The following EGF variants were observed in gnomAD, a reference collection of about 807,000 sequenced individuals.
EGF encodes the protein pro-epidermal growth factor.
A neutral mutation model predicts 143.8 loss-of-function variants in EGF; 95 were observed. The ratio of observed to expected loss-of-function variants is 0.66; its 90% CI spans 0.56 to 0.78. The LOEUF is 0.78. Ranked by LOEUF, EGF falls within the 30% of genes least tolerant of loss-of-function variation. The pLI is 0.00. For missense variants in EGF, 1,320 were observed against 1,470.9 expected (o/e 0.90, Z 1.68); for synonymous variants, 510 against 510.5 (o/e 1.00, Z 0.01).
chr4:109,983,343 G>A (rs1173155227), intron 15 of EGF, 79 bp from the exon 16 acceptor site: 3 of 1,505,452 alleles, frequency 2.0e-6, no homozygotes, highest in Non-Finnish European at 2.7e-6. Flanking sequence ...CCAATGAATA[G>A]TCGTAAACAT....
At chr4:110,005,447 C>T (rs1578408178) in intron 22 of EGF, among the ~76,000 whole-genome samples, 1 of 151,978 alleles carries the variant, frequency 6.6e-6, no homozygotes, top group Non-Finnish European at 1.5e-5. Context: ...AAAATAGTTG[C>T]CAGATTTAAC....
intron 18 of EGF, among the ~76,000 whole-genome samples, chr4:109,992,847 A>C (rs11569067): frequency 0.072 from 10,975 of 151,558 alleles, 1,239 homozygotes; most frequent in African/African-American, 0.24. Flanking sequence ...TATCACAAGG[A>C]CAAAAAACCA....
chr4:109,971,333 T>C (rs982978676), intron 11 of EGF, among the ~76,000 whole-genome samples: 5 of 152,208 alleles, frequency 3.3e-5, no homozygotes, highest in Non-Finnish European at 7.3e-5. Context: ...ACCTCCTCTG[T>C]GTTGAACCTA....
intron 13 of EGF, 39 bp from the exon 14 acceptor site, chr4:109,979,933 A>G (rs1307534883): frequency 6.2e-7 from 1 of 1,612,094 alleles, no homozygotes; most frequent in Non-Finnish European, 8.5e-7. Flanking sequence ...CATTGCAAAG[A>G]CAAAGAAGGT....
intron 11 of EGF, among the ~76,000 whole-genome samples, chr4:109,974,102 A>T (rs11568989): frequency 1.7e-3 from 257 of 152,336 alleles, no homozygotes; most frequent in African/African-American, 5.9e-3. Context: ...TAATCTAGAG[A>T]TGATTTAAAG....
intron 11 of EGF, among the ~76,000 whole-genome samples, chr4:109,971,474 C>T (rs1747649432): frequency 6.6e-6 from 1 of 152,146 alleles, no homozygotes. Flanking sequence ...GCCAAGTCTT[C>T]TCATATTTCC....
At chr4:109,951,875 T>C (rs537915128) in intron 5 of EGF, among the ~76,000 whole-genome samples, 1 of 152,334 alleles carries the variant, frequency 6.6e-6, no homozygotes, top group East Asian at 1.9e-4. Context: ...TATTTATCCA[T>C]GGCCTTCTGG....
At chr4:109,924,589 G>T (rs1738326260) in intron 1 of EGF, among the ~76,000 whole-genome samples, 1 of 152,182 alleles carries the variant, frequency 6.6e-6, no homozygotes. Context: ...TCAGTCAGCA[G>T]TTTACCTGAT....
chr4:109,923,913 G>T (rs906184853), intron 1 of EGF, among the ~76,000 whole-genome samples: 1 of 151,446 alleles, frequency 6.6e-6, no homozygotes, highest in East Asian at 1.9e-4. Flanking sequence ...GAGCCACCAC[G>T]CCTGGCCTAT....
intron 1 of EGF, among the ~76,000 whole-genome samples, chr4:109,932,946 G>A (rs1451128732): frequency 2.0e-5 from 3 of 152,132 alleles, no homozygotes; most frequent in African/African-American, 7.2e-5. Flanking sequence ...AGTTATTAGA[G>A]ACAAGTTATA....
Position 109,959,476 on chromosome 4 carries a change from G to A in EGF, c.1066+39G>A, listed in dbSNP as rs536925744. The A allele has an allele frequency of 8.7e-6, 14 of 1,611,450 alleles. No homozygotes were observed. The African/African-American group carries it at 9.5e-5, about 11-fold the overall frequency. On this transcript the variant is annotated intron_variant, in intron 6 of 23. Coordinates refer to ENST00000265171, the MANE Select transcript of EGF (RefSeq NM_001963.6). ...GTACTGTGAAGGTAATGGAAGAGTC[G>A]CTGCTTGAGGGGAGGAATGCTCAAC...
intron 20 of EGF, among the ~76,000 whole-genome samples, chr4:109,998,052 T>TGAC (rs1443441408): frequency 1.3e-5 from 2 of 152,210 alleles, no homozygotes; most frequent in Non-Finnish European, 2.9e-5. Flanking sequence ...AAATGCTGAA[T>TGAC]GACTATTCTG....
intron 1 of EGF, among the ~76,000 whole-genome samples, chr4:109,937,995 G>C (rs1293431862): frequency 6.6e-6 from 1 of 152,060 alleles, no homozygotes; most frequent in Non-Finnish European, 1.5e-5. Context: ...GTGTCTTGGG[G>C]TTGCTCTTCT....
chr4:109,961,815 T>G, intron 7 of EGF, 48 bp from the exon 8 acceptor site: 2 of 1,610,016 alleles, frequency 1.2e-6, no homozygotes, highest in Non-Finnish European at 1.7e-6. Flanking sequence ...AATAAATTTT[T>G]GCAAACCCGA....
At chr4:109,987,587 A>G (rs1453614765) in intron 16 of EGF, among the ~76,000 whole-genome samples, 157 bp from the exon 17 acceptor site, 1 of 152,198 alleles carries the variant, frequency 6.6e-6, no homozygotes, top group Non-Finnish European at 1.5e-5. Context: ...TTAATGCAGT[A>G]TAGTTTATAG....
chr4:109,925,758 C>T lies in EGF; in HGVS notation c.127+12296C>T, dbSNP rs529840773. On this transcript the variant is annotated intron_variant, in intron 1 of 23. Coordinates refer to ENST00000265171, the MANE Select transcript of EGF (RefSeq NM_001963.6). ...GAAAGTTCTCAGAAGTCAGAAATGACTTTTTTATATATCAGAAAATGTTCT... is the reference window on the plus strand; with the variant it reads ...GAAAGTTCTCAGAAGTCAGAAATGATTTTTTTATATATCAGAAAATGTTCT... 1.2e-4 allele frequency among the ~76,000 whole-genome samples: 18 copies of T among 152,242 alleles called. No homozygotes were observed. The East Asian group carries it at 3.5e-3, about 29-fold the overall frequency.
intron 1 of EGF, among the ~76,000 whole-genome samples, chr4:109,922,103 A>C (rs1470913652): frequency 2.0e-5 from 3 of 151,578 alleles, no homozygotes; most frequent in African/African-American, 7.3e-5. Flanking sequence ...CTTGGTGTGC[A>C]AGGAAATTGC....
At position 109,961,004 on chromosome 4, in the gene EGF, C is replaced by A. The variant is rs750507477; in HGVS notation, c.1189+15C>A. On this transcript the variant is annotated intron_variant, in intron 7 of 23. Coordinates refer to ENST00000265171, the MANE Select transcript of EGF (RefSeq NM_001963.6). ...ACGATGTCATCGTAAGTTATAGCAACAAGTATTTATTGCATTAGTTTTCTT... is the reference window on the plus strand; with the variant it reads ...ACGATGTCATCGTAAGTTATAGCAAAAAGTATTTATTGCATTAGTTTTCTT... 1.9e-6 allele frequency: 3 copies of A among 1,613,172 alleles called. No homozygotes were observed. The highest frequency in any genetic ancestry group is 2.5e-6 in the Non-Finnish European group (3 of 1,179,404).
intron 16 of EGF, among the ~76,000 whole-genome samples, chr4:109,986,918 G>T (rs1750214902): frequency 6.6e-6 from 1 of 152,258 alleles, no homozygotes; most frequent in Non-Finnish European, 1.5e-5. Context: ...CATAAATCTT[G>T]ATAATAAACA....
Sources: allele counts gnomAD v4.1 joint callset (sites outside exome capture counted in the v4.1 genomes callset), GRCh38; gene constraint gnomAD v4.1.1; transcripts MANE v1.5; gene names NCBI Gene and HGNC (gene_info 2026-07-23, HGNC 2026-07-21).